The following KCNB2 variants were observed in gnomAD, a reference collection of about 807,000 sequenced individuals.
KCNB2 encodes potassium voltage-gated channel subfamily B member 2, also known as delayed rectifier potassium channel protein.
A neutral mutation model predicts 61.5 loss-of-function variants in KCNB2; 15 were observed. The ratio of observed to expected loss-of-function variants is 0.24; its 90% CI spans 0.16 to 0.38. The LOEUF (loss-of-function observed/expected upper bound fraction) is 0.38. Among genes scored for constraint, KCNB2 ranks in the 10% least tolerant of loss-of-function variants. The pLI is 1.00. For synonymous variants in KCNB2, 457 were observed against 446.0 expected (o/e 1.02, Z -0.31); for missense variants, 828 against 1,125.2 (o/e 0.74, Z 3.78).
intron 2 of KCNB2, among the ~76,000 whole-genome samples, chr8:72,890,111 A>T (rs1274810105): frequency 1.3e-5 from 2 of 152,216 alleles, no homozygotes; most frequent in Non-Finnish European, 2.9e-5. Flanking sequence ...ATGTTCTTTA[A>T]TCATCTGACA....
intron 2 of KCNB2, chr8:72,751,699 C>T (rs1462216064): frequency 2.6e-5 from 4 of 152,086 alleles, no homozygotes; most frequent in African/African-American, 9.7e-5. Context: ...GTAATGTTTC[C>T]ACTTAGACAT....
chr8:72,697,032 T>G (rs1807029229), intron 2 of KCNB2, among the ~76,000 whole-genome samples: 1 of 152,202 alleles, frequency 6.6e-6, no homozygotes, highest in South Asian at 2.1e-4. Context: ...AAATTACTAT[T>G]TAATCAGTGT....
intron 2 of KCNB2, among the ~76,000 whole-genome samples, chr8:72,825,481 C>T: frequency 6.6e-6 from 1 of 152,144 alleles, no homozygotes; most frequent in East Asian, 1.9e-4. Flanking sequence ...TACCATTTTC[C>T]ACAGTGGCTA....
At chr8:72,734,147 A>C (rs1807798370) in intron 2 of KCNB2, among the ~76,000 whole-genome samples, 1 of 152,214 alleles carries the variant, frequency 6.6e-6, no homozygotes. Flanking sequence ...TATCAACTGT[A>C]GCATAGATTC....
chr8:72,792,289 C>A (rs937209457), intron 2 of KCNB2, among the ~76,000 whole-genome samples: 1 of 152,150 alleles, frequency 6.6e-6, no homozygotes, highest in Non-Finnish European at 1.5e-5. Context: ...CTGGCTTAAT[C>A]AGCATTTTAA....
At chr8:72,641,630 A>G (rs961985141) in intron 2 of KCNB2, among the ~76,000 whole-genome samples, 1 of 152,116 alleles carries the variant, frequency 6.6e-6, no homozygotes, top group Non-Finnish European at 1.5e-5. Context: ...AGTGAATGCC[A>G]TGAGTGCATG....
intron 2 of KCNB2, among the ~76,000 whole-genome samples, chr8:72,646,619 G>A (rs1806133358): frequency 3.3e-5 from 5 of 152,186 alleles, no homozygotes; most frequent in African/African-American, 1.2e-4. Flanking sequence ...AAATAGGTCA[G>A]ACACAAAAGG....
At chr8:72,699,301 T>C (rs1378568183) in intron 2 of KCNB2, among the ~76,000 whole-genome samples, 1 of 152,144 alleles carries the variant, frequency 6.6e-6, no homozygotes, top group Non-Finnish European at 1.5e-5. Flanking sequence ...TGGTATGAGA[T>C]GTTATCTCGT....
intron 2 of KCNB2, chr8:72,618,600 A>G (rs537297710): frequency 6.5e-6 from 1 of 153,112 alleles, no homozygotes; most frequent in Admixed American, 6.5e-5. Flanking sequence ...CAATTATGAC[A>G]TTATTATCTC....
rs1002367081 is a variant in KCNB2 at position 72,735,412 on chromosome 8, C to T, written c.579+167099C>T. Among the ~76,000 whole-genome samples the T allele has an allele frequency of 3.8e-4, 58 of 152,110 alleles. 1 individual carries two copies. The highest frequency in any genetic ancestry group is 3.3e-3 in the Admixed American group (50 of 15,260). ...AAATGGCAATAATTTCCTATTTCCC[C>T]GCAAGAAATCTGTACATCACCCTTG... On this transcript the variant is annotated intron_variant, in intron 2 of 2. Coordinates refer to ENST00000523207, the MANE Select transcript of KCNB2 (RefSeq NM_004770.3).
chr8:72,751,666 T>G (rs1808190374), intron 2 of KCNB2: 1 of 152,166 alleles, frequency 6.6e-6, no homozygotes, highest in African/African-American at 2.4e-5. Flanking sequence ...GAATTCCAAA[T>G]TCAGCATTGA....
chr8:72,841,950 G>C (rs967658055), intron 2 of KCNB2, among the ~76,000 whole-genome samples: 9 of 152,170 alleles, frequency 5.9e-5, no homozygotes, highest in African/African-American at 2.2e-4. Flanking sequence ...GCCCTGGCCA[G>C]AACTTCCAAC....
chr8:72,597,173 G>A (rs2449101), intron 2 of KCNB2, among the ~76,000 whole-genome samples: 7 of 151,918 alleles, frequency 4.6e-5, no homozygotes, highest in Middle Eastern at 3.4e-3. Flanking sequence ...ACAGGCGCAC[G>A]CCACCACACT....
chr8:72,762,882 A>AATATATATATAT (rs10551590), intron 2 of KCNB2, among the ~76,000 whole-genome samples: 314 of 141,574 alleles, frequency 2.2e-3, no homozygotes, highest in African/African-American at 5.1e-3. Context: ...CATATTAACA[A>AATATATATATAT]ATATATATAT....
intron 2 of KCNB2, among the ~76,000 whole-genome samples, chr8:72,676,865 C>T (rs1668627162): frequency 1.3e-5 from 2 of 152,144 alleles, no homozygotes; most frequent in African/African-American, 2.4e-5. Flanking sequence ...TCTGTTCCTT[C>T]CCTGCAGCCC....
intron 2 of KCNB2, among the ~76,000 whole-genome samples, chr8:72,869,352 C>T (rs569748646): frequency 2.2e-4 from 33 of 152,284 alleles, no homozygotes; most frequent in Admixed American, 3.9e-4. Flanking sequence ...TGCATATTTA[C>T]TTTCATGGGC....
chr8:72,755,957 T>C (rs1055117974), intron 2 of KCNB2, among the ~76,000 whole-genome samples: 2 of 152,152 alleles, frequency 1.3e-5, no homozygotes, highest in Non-Finnish European at 1.5e-5. Context: ...TCCTGCCAGC[T>C]TGGGAAAGCT....
At chr8:72,753,209 C>T (rs1585873203) in intron 2 of KCNB2, among the ~76,000 whole-genome samples, 1 of 152,144 alleles carries the variant, frequency 6.6e-6, no homozygotes, top group East Asian at 1.9e-4. Context: ...TTCTTCAGAA[C>T]ATTAATTTTC....
intron 2 of KCNB2, among the ~76,000 whole-genome samples, chr8:72,800,861 T>C (rs1164628887): frequency 1.3e-5 from 2 of 152,152 alleles, no homozygotes; most frequent in African/African-American, 4.8e-5. Context: ...GTGGTAGAGT[T>C]TGGCTTCCAA....
Sources: allele counts gnomAD v4.1 joint callset (sites outside exome capture counted in the v4.1 genomes callset), GRCh38; gene constraint gnomAD v4.1.1; transcripts MANE v1.5; gene names NCBI Gene and HGNC (gene_info 2026-07-23, HGNC 2026-07-21).